GPAT4: variants seen among roughly 807,000 people sequenced by gnomAD.
GPAT4 encodes the protein 1-AGP acyltransferase 6.
GPAT4 carries 17 observed loss-of-function variants against 58.0 expected under a neutral mutation model. The ratio of observed to expected loss-of-function variants is 0.29; its 90% CI spans 0.20 to 0.44. The LOEUF is 0.44. GPAT4 is among the 20% of genes least tolerant of loss of function. The probability of loss-of-function intolerance (pLI) is 1.00; values close to 1 mark genes in which losing one functional copy is unlikely to be tolerated. For missense variants in GPAT4, 377 were observed against 574.5 expected (o/e 0.66, Z 3.51); for synonymous variants, 204 against 210.1 (o/e 0.97, Z 0.25).
intron 1 of GPAT4, among the ~76,000 whole-genome samples, chr8:41,579,998 C>G (rs919533632): frequency 2.6e-5 from 4 of 152,188 alleles, no homozygotes; most frequent in Non-Finnish European, 5.9e-5. Flanking sequence ...TCGCCTCTGC[C>G]TCGAGGCTGC....
intron 2 of GPAT4, among the ~76,000 whole-genome samples, chr8:41,603,281 C>A (rs1436737994): frequency 6.6e-6 from 1 of 152,128 alleles, no homozygotes; most frequent in Non-Finnish European, 1.5e-5. Context: ...AATCCCGGCA[C>A]TTTGGGAGGC....
intron 5 of GPAT4, 126 bp downstream of exon 5, chr8:41,610,936 C>A: frequency 9.9e-7 from 1 of 1,013,212 alleles, no homozygotes; most frequent in Non-Finnish European, 1.4e-6. Context: ...GATTAAATAA[C>A]CCAGTGGTGG....
intron 1 of GPAT4, among the ~76,000 whole-genome samples, chr8:41,582,435 G>A (rs1802540741): frequency 7.1e-6 from 1 of 141,786 alleles, no homozygotes; most frequent in Non-Finnish European, 1.5e-5. Context: ...GAAATAGGGT[G>A]GGAAAGTATA....
rs117947905 is a variant in GPAT4 at position 41,609,049 on chromosome 8, C to T, written c.166-367C>T. ...CAGTAGTTTACAGGATACCTGGCTT[C>T]GCTGTTTTGAGTAGCTGCCGTGCGG... On this transcript the variant is annotated intron_variant, in intron 2 of 12. Coordinates refer to ENST00000396987, the MANE Select transcript of GPAT4 (RefSeq NM_178819.4). Among the ~76,000 whole-genome samples the T allele has an allele frequency of 5.4e-3, 825 of 152,292 alleles. 8 individuals carry two copies. Among genetic ancestry groups the T allele is most frequent in the East Asian group, 0.035 (183 of 5,178 alleles).
chr8:41,578,225 A>AGGGCGGGAGG lies in GPAT4; in HGVS notation c.-900_-891dup, dbSNP rs1218891217. Reference sequence around the variant, plus strand: ...GCAGCTTGGGCCCGCGGCGGCGGCAAGGGCGGGAGGGAGCGGTCGCCGCGG... The same window carrying AGGGCGGGAGG: ...GCAGCTTGGGCCCGCGGCGGCGGCAAGGGCGGGAGGGGGCGGGAGGGAGCGGTCGCCGCGG... On this transcript the variant is annotated 5_prime_UTR_variant, in exon 1 of 13. Transcript: ENST00000396987. The AGGGCGGGAGG allele has an allele frequency of 1.3e-5, 2 of 151,452 alleles. No individual in the cohort carries two copies. Among genetic ancestry groups the AGGGCGGGAGG allele is most frequent in the Non-Finnish European group, 2.9e-5 (2 of 67,902 alleles). The allele number at this position is 151,452 out of a possible 1,614,324, so 9.4% of individuals were successfully genotyped here.
intron 1 of GPAT4, among the ~76,000 whole-genome samples, chr8:41,595,199 T>C (rs1049404585): frequency 6.0e-5 from 9 of 151,128 alleles, no homozygotes; most frequent in Admixed American, 1.3e-4. Context: ...GAACCATCTA[T>C]TGTCCTGTCC....
At chr8:41,594,151 T>C (rs1034665700) in intron 1 of GPAT4, among the ~76,000 whole-genome samples, 1 of 152,232 alleles carries the variant, frequency 6.6e-6, no homozygotes, top group Non-Finnish European at 1.5e-5. Context: ...AGCAGGTTAG[T>C]GCTTTAAGAA....
intron 9 of GPAT4, 75 bp from the exon 10 acceptor site, chr8:41,614,888 T>G: frequency 4.9e-6 from 6 of 1,229,020 alleles, no homozygotes; most frequent in Non-Finnish European, 7.1e-6. Flanking sequence ...CTATTATACT[T>G]AGTCTTTAAG....
intron 12 of GPAT4, among the ~76,000 whole-genome samples, chr8:41,620,585 G>A (rs1238356074): frequency 6.6e-6 from 1 of 152,176 alleles, no homozygotes; most frequent in Non-Finnish European, 1.5e-5. Context: ...TCCTTTGTGA[G>A]GTGAAGATGA....
At chr8:41,614,515 C>A in intron 9 of GPAT4, 74 bp downstream of exon 9, 1 of 1,443,910 alleles carries the variant, frequency 6.9e-7, no homozygotes, top group Non-Finnish European at 9.7e-7. Context: ...TTCCTGGGAA[C>A]CAAGGCCCTC....
intron 10 of GPAT4, 133 bp from the exon 11 acceptor site, chr8:41,618,551 T>G: frequency 8.8e-7 from 1 of 1,132,778 alleles, no homozygotes. Context: ...GCTTCCACAG[T>G]ACTCATGCAA....
chr8:41,581,993 ATTTTT>A (rs71230849), intron 1 of GPAT4, among the ~76,000 whole-genome samples: 205 of 63,560 alleles, frequency 3.2e-3, no homozygotes, highest in South Asian at 3.6e-3. Flanking sequence ...AAGTTCAATG[ATTTTT>A]TTTTTTTTTT....
chr8:41,606,389 G>C (rs925902137), intron 2 of GPAT4, among the ~76,000 whole-genome samples: 2 of 151,876 alleles, frequency 1.3e-5, no homozygotes, highest in Non-Finnish European at 2.9e-5. Context: ...GTTTGGGTTT[G>C]GGGGGGCATT....
At chr8:41,614,266 T>C (rs1330873986) in intron 8 of GPAT4, 120 bp from the exon 9 acceptor site, 13 of 797,426 alleles carry the variant, frequency 1.6e-5, no homozygotes, top group Middle Eastern at 2.5e-4. Context: ...AGGATACAGT[T>C]ATGCTTGTTA....
In GPAT4 at chr8:41,623,683, C is replaced by T. The variant is rs758197346; in HGVS notation, c.*2682C>T. On this transcript the variant is annotated 3_prime_UTR_variant, in exon 13 of 13. Transcript: ENST00000396987. ...CCATTGCTTCTCTAAAACATCAGGG[C>T]TAGTGGAACTAACCCACTTGAGGGT... The T allele has an allele frequency of 3.3e-5, 5 of 152,256 alleles. No homozygotes were observed. Among genetic ancestry groups the T allele is most frequent in the Non-Finnish European group, 5.9e-5 (4 of 68,066 alleles). 9.4% of individuals were successfully genotyped at this position (152,256 alleles called of 1,614,324 possible).
intron 10 of GPAT4, 93 bp from the exon 11 acceptor site, chr8:41,618,591 C>A: frequency 6.7e-7 from 1 of 1,498,682 alleles, no homozygotes; most frequent in Non-Finnish European, 9.2e-7. Flanking sequence ...AGTACCAGCA[C>A]GGCCCAGTGG....
chr8:41,584,054 G>A (rs1166926515), intron 1 of GPAT4, among the ~76,000 whole-genome samples: 4 of 152,046 alleles, frequency 2.6e-5, no homozygotes, highest in East Asian at 1.9e-4. Flanking sequence ...GCACCACCAC[G>A]CCCAGCTAAT....
intron 1 of GPAT4, among the ~76,000 whole-genome samples, chr8:41,585,146 C>T (rs767246138): frequency 5.9e-5 from 9 of 152,190 alleles, no homozygotes; most frequent in African/African-American, 1.4e-4. Flanking sequence ...ATACACTCGA[C>T]GTTAAATTCA....
At chr8:41,579,558 C>A (rs892853485) in intron 1 of GPAT4, among the ~76,000 whole-genome samples, 4 of 151,462 alleles carry the variant, frequency 2.6e-5, no homozygotes, top group Non-Finnish European at 5.9e-5. Flanking sequence ...AAAAGTATGG[C>A]CGGGCGTGGT....
Sources: allele counts gnomAD v4.1 joint callset (sites outside exome capture counted in the v4.1 genomes callset), GRCh38; gene constraint gnomAD v4.1.1; transcripts MANE v1.5; gene names NCBI Gene and HGNC (gene_info 2026-07-23, HGNC 2026-07-21).